GGTLC1: variants seen among roughly 807,000 people sequenced by gnomAD.
GGTLC1 encodes glutathione hydrolase light chain 1.
A neutral mutation model predicts 19.5 loss-of-function variants in GGTLC1; 14 were observed. The ratio of observed to expected loss-of-function variants is 0.72; its 90% CI spans 0.47 to 1.12. GGTLC1 has a LOEUF of 1.12. Among genes scored for constraint, GGTLC1 ranks in the 50% most tolerant of loss-of-function variants. The pLI, the probability that GGTLC1 is intolerant of heterozygous loss-of-function variation, is 0.00. For synonymous variants in GGTLC1, 110 were observed against 124.2 expected (o/e 0.89, Z 0.76); for missense variants, 304 against 309.2 (o/e 0.98, Z 0.13).
chr20:23,986,594 G>A lies in GGTLC1; in HGVS notation c.18C>T (p.Phe6=). 6.8e-7 allele frequency: 1 copy of A among 1,479,050 alleles called. No individual in the cohort carries two copies. The highest frequency in any genetic ancestry group is 9.1e-7 in the Non-Finnish European group (1 of 1,095,742). 91.6% of individuals were successfully genotyped at this position (1,479,050 alleles called of 1,614,324 possible). A position where few individuals can be genotyped will look rare whatever the true frequency, so the allele number is the denominator to read the frequency against. The change falls in exon 2 of 6, where the codon TTC becomes TTT. Residue 6 remains phenylalanine, a synonymous_variant. Coordinates refer to ENST00000335694, the MANE Select transcript of GGTLC1 (RefSeq NM_178311.3). The part of the protein sequence containing the change: MTSEF[F]SAQLRAQISD... ...AGATCTGGGCCCGGAGCTGGGCAGA[G>A]AAGAACTCGGAGGTCATGTCGCGGA...
At chr20:23,985,801 C>T (rs1331850364) in intron 4 of GGTLC1, 21 bp from the exon 5 acceptor site, 4 of 1,612,024 alleles carry the variant, frequency 2.5e-6, no homozygotes, top group Middle Eastern at 2.3e-4. Context: ...GGAGTGTGAT[C>T]AGCATGGCTT....
Position 23,985,934 on chromosome 20 carries a change from C to A in GGTLC1, c.345G>T (p.Val115=). 6.2e-7 allele frequency: 1 copy of A among 1,612,022 alleles called. No individual in the cohort carries two copies. The highest frequency in any genetic ancestry group is 8.5e-7 in the Non-Finnish European group (1 of 1,179,864). The part of the protein sequence containing the change: ...PLSSMCPTIM[V]GQDGQVRMVV... The stretch of plus-strand genomic sequence containing the variant: ...CCATCCGGACCTGGCCGTCCTGGCC[C>A]ACCATGATCGTCGGGCACATGGACG... Residue 115 remains valine (V), a synonymous_variant, in exon 4 of 6, where the codon GTG becomes GTT. Transcript: ENST00000335694.
At position 23,986,602 on chromosome 20, in the gene GGTLC1, C is replaced by T. The variant is rs1374965182; in HGVS notation, c.10G>A (p.Glu4Lys). Residue 4 changes from glutamate (E) to lysine (K), a missense_variant, in exon 2 of 6, where the codon GAG becomes AAG. Physicochemically the swap from Glu to Lys is moderately conservative, Grantham distance 56. Coordinates refer to ENST00000335694, the MANE Select transcript of GGTLC1 (RefSeq NM_178311.3). ...GCCCGGAGCTGGGCAGAGAAGAACTCGGAGGTCATGTCGCGGACCACCTGC... is the reference window on the plus strand; with the variant it reads ...GCCCGGAGCTGGGCAGAGAAGAACTTGGAGGTCATGTCGCGGACCACCTGC... MTS[E>K]FFSAQLRAQI... The T allele has an allele frequency of 1.0e-5, 14 of 1,371,964 alleles. No individual in the cohort carries two copies. Among genetic ancestry groups the T allele is most frequent in the African/African-American group, 3.0e-5 (2 of 65,804 alleles). 85.0% of individuals were successfully genotyped at this position (1,371,964 alleles called of 1,614,324 possible). A position where few individuals can be genotyped will look rare whatever the true frequency, so the allele number is the denominator to read the frequency against.
At chr20:23,987,736 G>A (rs74390673) in intron 1 of GGTLC1, among the ~76,000 whole-genome samples, 66 of 150,622 alleles carry the variant, frequency 4.4e-4, no homozygotes, top group South Asian at 8.5e-4. Flanking sequence ...ATGCCTCAAG[G>A]GAGTTTCAAC....
At chr20:23,987,918 G>A (rs1346117218) in intron 1 of GGTLC1, among the ~76,000 whole-genome samples, 2 of 138,742 alleles carry the variant, frequency 1.4e-5, no homozygotes, top group East Asian at 4.3e-4. Flanking sequence ...GTGTGGTGGC[G>A]GGCGCCTGTA....
intron 5 of GGTLC1, 48 bp from the exon 6 acceptor site, chr20:23,985,410 C>T (rs373955651): frequency 3.1e-6 from 5 of 1,611,220 alleles, no homozygotes; most frequent in Non-Finnish European, 8.5e-7. Context: ...CCAGATGCCA[C>T]CTGAACCACA....
chr20:23,986,692 A>C, intron 1 of GGTLC1, 47 bp from the exon 2 acceptor site: 1 of 1,561,074 alleles, frequency 6.4e-7, no homozygotes, highest in Non-Finnish European at 8.7e-7. Flanking sequence ...AGGTCTCAGA[A>C]GGCCCCTGAC....
At chr20:23,988,414 C>A (rs2424606) in intron 1 of GGTLC1, among the ~76,000 whole-genome samples, 195 bp downstream of exon 1, 2 of 151,162 alleles carry the variant, frequency 1.3e-5, no homozygotes, top group African/African-American at 4.9e-5. Context: ...AGTGCAATGG[C>A]GCGATCTCAG....
intron 2 of GGTLC1, 44 bp from the exon 3 acceptor site, chr20:23,986,247 C>G: frequency 6.3e-7 from 1 of 1,593,372 alleles, no homozygotes; most frequent in Non-Finnish European, 8.5e-7. Flanking sequence ...TTGCCTGGCC[C>G]AGCCTGGTCC....
In GGTLC1 at chr20:23,985,175, T is replaced by C. The variant is rs756794855; in HGVS notation, c.*41A>G. 3 of 1,611,930 alleles carry C rather than the reference T, an allele frequency of 1.9e-6. No individual in the cohort carries two copies. Among genetic ancestry groups the C allele is most frequent in the South Asian group, 2.2e-5 (2 of 90,968 alleles). On this transcript the variant is annotated 3_prime_UTR_variant, in exon 6 of 6. Coordinates refer to ENST00000335694, the MANE Select transcript of GGTLC1 (RefSeq NM_178311.3). ...CCTCTTCCTCGTCCTGGTGAGTATT[T>C]TGTTCCTGGATTGCTTGTCAGCCTT...
rs374771718 is a variant in GGTLC1 at position 23,986,173 on chromosome 20, G to A, written c.207C>T (p.Ser69=). The part of the protein sequence containing the change: ...YFGSKVRSPV[S]GILLNNEMDD... ...CCATTTCATTATTGAGCAGGATCCC[G>A]CTGACTGGGGAGCGCACCTTGGAGC... Residue 69 remains serine (S), a synonymous_variant, in exon 3 of 6, where the codon AGC becomes AGT. Transcript: ENST00000335694. 77 of 1,613,020 alleles carry A rather than the reference G, an allele frequency of 4.8e-5. No individual in the cohort carries two copies. The African/African-American group carries it at 7.3e-4, about 15-fold the overall frequency.
rs770997855 is a variant in GGTLC1 at position 23,985,228 on chromosome 20, A to G, written c.666T>C (p.Pro222=). The change falls in exon 6 of 6, where the codon CCT becomes CCC. Residue 222 remains proline (P), a synonymous_variant. Transcript: ENST00000335694. ...AASDSRKGGE[P]AGY is the part of the protein sequence containing the mutation. ...CCGCCTGGAGCAATCAGTAGCCAGC[A>G]GGTTCCCCACCTTTCCTGGAGTCCG... The G allele has an allele frequency of 6.2e-7, 1 of 1,612,042 alleles. No individual in the cohort carries two copies. The highest frequency in any genetic ancestry group is 8.5e-7 in the Non-Finnish European group (1 of 1,179,874).
Position 23,985,339 on chromosome 20 carries a change from G to A in GGTLC1, c.555C>T (p.Thr185=). ...IDQEVTAALE[T]RHHHTQITST... is the part of the protein sequence containing the mutation. ...ACGTGATCTGGGTGTGATGGTGCCG[G>A]GTCTCCAGGGCTGCAGTCACTTCCT... Residue 185 remains threonine, a synonymous_variant, in exon 6 of 6, where the codon ACC becomes ACT. Coordinates refer to ENST00000335694, the MANE Select transcript of GGTLC1 (RefSeq NM_178311.3). 3.1e-6 allele frequency: 5 copies of A among 1,611,912 alleles called. No homozygotes were observed. Among genetic ancestry groups the A allele is most frequent in the Non-Finnish European group, 4.2e-6 (5 of 1,179,856 alleles).
Position 23,985,740 on chromosome 20 carries a change from C to T in GGTLC1, c.458G>A (p.Trp153Ter), listed in dbSNP as rs1432865542. Residue 153 changes from tryptophan (W) to a stop codon, truncating the protein, a stop_gained, in exon 5 of 6, where the codon TGG becomes TAG. Coordinates refer to ENST00000335694, the MANE Select transcript of GGTLC1 (RefSeq NM_178311.3). LOFTEE classifies it high-confidence loss of function. Reference protein sequence around the residue: ...YNLWFGYDVKWAVEEPRLHNQ... With the variant: ...YNLWFGYDVK Reference sequence around the variant, plus strand: ...GTGCAGCCGGGGCTCCTCCACGGCCCACTTCACGTCATAGCCGAACCAGAG... The same window carrying T: ...GTGCAGCCGGGGCTCCTCCACGGCCTACTTCACGTCATAGCCGAACCAGAG... The T allele has an allele frequency of 6.2e-6, 10 of 1,611,934 alleles. No individual in the cohort carries two copies. The Admixed American group carries it at 1.5e-4, about 24-fold the overall frequency.
In GGTLC1 at chr20:23,986,198, C is replaced by G. The variant is rs1987900492; in HGVS notation, c.182G>C (p.Gly61Ala). The G allele has an allele frequency of 1.9e-6, 3 of 1,608,678 alleles. No homozygotes were observed. The highest frequency in any genetic ancestry group is 8.5e-7 in the Non-Finnish European group (1 of 1,177,574). The change falls in exon 3 of 6, where the codon GGC becomes GCC. Residue 61 changes from glycine (G) to alanine (A), a missense_variant. By Grantham distance (60) the Gly-to-Ala change is moderately conservative. Coordinates refer to ENST00000335694, the MANE Select transcript of GGTLC1 (RefSeq NM_178311.3). ...SATSTINLYF[G>A]SKVRSPVSGI... ...GCTGACTGGGGAGCGCACCTTGGAG[C>G]CAAAGCTATCGCCCAGCCAGGTCAG...
rs745964871 is a variant in GGTLC1, at chr20:23,985,371, G to T, written c.532-9C>A. 6.2e-7 allele frequency: 1 copy of T among 1,611,602 alleles called. No homozygotes were observed. Among genetic ancestry groups the T allele is most frequent in the South Asian group, 1.1e-5 (1 of 90,992 alleles). On this transcript the variant is annotated splice_polypyrimidine_tract_variant and intron_variant, in intron 5 of 5. Transcript: ENST00000335694. Reference sequence around the variant, plus strand: ...AGGGCTGCAGTCACTTCCTGGGGGTGGGAGGAGAGGGGAAGCCTGAGCAGG... The same window carrying T: ...AGGGCTGCAGTCACTTCCTGGGGGTTGGAGGAGAGGGGAAGCCTGAGCAGG...
At chr20:23,986,030 G>A (rs559437938) in intron 3 of GGTLC1, 46 bp downstream of exon 3, 16 of 1,521,638 alleles carry the variant, frequency 1.1e-5, no homozygotes, top group East Asian at 6.8e-5. Flanking sequence ...CAGGACACCC[G>A]CCCCTCTCCA....
chr20:23,987,537 C>A (rs62195280), intron 1 of GGTLC1, among the ~76,000 whole-genome samples: 2 of 151,566 alleles, frequency 1.3e-5, no homozygotes, highest in Admixed American at 6.6e-5. Flanking sequence ...CATGGGTGCA[C>A]GTATAAAAAA....
At chr20:23,985,463 G>T (rs527910935) in intron 5 of GGTLC1, 101 bp from the exon 6 acceptor site, 34 of 1,606,712 alleles carry the variant, frequency 2.1e-5, no homozygotes, top group Admixed American at 2.0e-4. Flanking sequence ...GCCATTTCAG[G>T]CCAGGTCATC....
Sources: gnomAD v4.1 joint callset for allele counts (sites outside exome capture counted in the v4.1 genomes callset) on GRCh38, gnomAD v4.1.1 for gene constraint, MANE v1.5 for transcripts, NCBI Gene and HGNC (gene_info 2026-07-23, HGNC 2026-07-21) for gene names.